Variants in MGLL observed in about 807,000 individuals in gnomAD.
MGLL encodes monoglyceride lipase, also known as lysophospholipase homolog.
A neutral mutation model predicts 29.1 loss-of-function variants in MGLL; 7 were observed. The ratio of observed to expected loss-of-function variants is 0.24; its 90% CI spans 0.14 to 0.45. The LOEUF (loss-of-function observed/expected upper bound fraction) is 0.45. Ranked by LOEUF, MGLL falls within the 20% of genes least tolerant of loss-of-function variation. The pLI is 0.99. For synonymous variants in MGLL, 148 were observed against 168.3 expected (o/e 0.88, Z 0.93); for missense variants, 356 against 413.6 (o/e 0.86, Z 1.21).
intron 3 of MGLL, among the ~76,000 whole-genome samples, chr3:127,779,427 A>C (rs2077087354): frequency 6.6e-6 from 1 of 152,198 alleles, no homozygotes; most frequent in Non-Finnish European, 1.5e-5. Context: ...CAGTCTGCAT[A>C]TATCTCTGTA....
In MGLL at chr3:127,794,355, G is replaced by GA. The variant is rs569040519; in HGVS notation, c.156-12461dup. 1.1e-3 allele frequency among the ~76,000 whole-genome samples: 164 copies of GA among 145,240 alleles called. 2 individuals are homozygous for GA. Among genetic ancestry groups the GA allele is most frequent in the South Asian group, 7.1e-3 (33 of 4,626 alleles). Reference sequence around the variant, plus strand: ...AGCTACTAAGGAGGCTGAGGCAGGAGAAAAAAAAAAACTGTCTTCTATGAA... The same window carrying GA: ...AGCTACTAAGGAGGCTGAGGCAGGAGAAAAAAAAAAAACTGTCTTCTATGAA... On this transcript the variant is annotated intron_variant, in intron 2 of 7. Transcript: ENST00000265052.
chr3:127,786,200 T>C (rs879445892), intron 2 of MGLL, among the ~76,000 whole-genome samples: 1 of 152,162 alleles, frequency 6.6e-6, no homozygotes, highest in Admixed American at 6.5e-5. Context: ...TTGTGAGGAT[T>C]GCAGGGCTGC....
At chr3:127,758,904 CTTTTTT>C (rs753605301) in intron 3 of MGLL, among the ~76,000 whole-genome samples, 3 of 141,412 alleles carry the variant, frequency 2.1e-5, no homozygotes, top group East Asian at 2.1e-4. Flanking sequence ...CTTTCTTTTT[CTTTTTT>C]TTTTCTTTTC....
chr3:127,702,244 G>A (rs1410707272), intron 6 of MGLL, among the ~76,000 whole-genome samples: 2 of 152,250 alleles, frequency 1.3e-5, no homozygotes, highest in Non-Finnish European at 2.9e-5. Flanking sequence ...CTCATGGGGT[G>A]TCACAGCCTC....
At chr3:127,801,548 G>A (rs947881599) in intron 2 of MGLL, among the ~76,000 whole-genome samples, 9 of 151,548 alleles carry the variant, frequency 5.9e-5, no homozygotes, top group East Asian at 1.9e-4. Flanking sequence ...CCCGGGAGGC[G>A]GAGGTTGCAG....
At chr3:127,778,027 C>T (rs1274720934) in intron 3 of MGLL, among the ~76,000 whole-genome samples, 1 of 152,154 alleles carries the variant, frequency 6.6e-6, no homozygotes, top group Non-Finnish European at 1.5e-5. Flanking sequence ...TCTGAGCCCA[C>T]CAATTTACCA....
chr3:127,810,117 G>A (rs1401348425), intron 2 of MGLL, among the ~76,000 whole-genome samples: 1 of 152,138 alleles, frequency 6.6e-6, no homozygotes, highest in Non-Finnish European at 1.5e-5. Context: ...ATTGCCAACT[G>A]AACTGAGTGC....
intron 3 of MGLL, among the ~76,000 whole-genome samples, chr3:127,752,395 G>C (rs762527129): frequency 2.0e-5 from 3 of 152,166 alleles, no homozygotes; most frequent in Non-Finnish European, 4.4e-5. Flanking sequence ...CATCACGCCC[G>C]GCCGTCATTT....
intron 2 of MGLL, among the ~76,000 whole-genome samples, chr3:127,818,031 G>A (rs940627900): frequency 6.6e-5 from 10 of 152,206 alleles, no homozygotes; most frequent in Admixed American, 3.9e-4. Flanking sequence ...TGCGATCTCC[G>A]CTCACTGCAA....
intron 5 of MGLL, among the ~76,000 whole-genome samples, chr3:127,714,528 C>T (rs1576492247): frequency 6.6e-6 from 1 of 152,172 alleles, no homozygotes; most frequent in African/African-American, 2.4e-5. Context: ...GGTGTCCCGG[C>T]GACAATAACT....
chr3:127,736,135 T>A, intron 3 of MGLL: 1 of 1,114,122 alleles, frequency 9.0e-7, no homozygotes, highest in Non-Finnish European at 1.1e-6. Flanking sequence ...CAGTCAAACC[T>A]AATAAAAGTA....
chr3:127,819,316 A>G (rs1239433481), intron 2 of MGLL, among the ~76,000 whole-genome samples: 1 of 152,176 alleles, frequency 6.6e-6, no homozygotes, highest in African/African-American at 2.4e-5. Context: ...GTTGGCCAGA[A>G]AATCTACCCA....
intron 7 of MGLL, among the ~76,000 whole-genome samples, chr3:127,693,594 A>C (rs1271976028): frequency 2.6e-5 from 4 of 152,064 alleles, no homozygotes; most frequent in African/African-American, 9.7e-5. Flanking sequence ...TCTCACCAAC[A>C]GACTGCAGGC....
intron 2 of MGLL, among the ~76,000 whole-genome samples, chr3:127,791,730 A>G (rs766022234): frequency 1.3e-5 from 2 of 152,178 alleles, no homozygotes; most frequent in Non-Finnish European, 2.9e-5. Context: ...CATCGGCTCC[A>G]TTTGTGTTTG....
chr3:127,822,976 A>C (rs1469294287), upstream of MGLL: 1 of 152,304 alleles, frequency 6.6e-6, no homozygotes, highest in Non-Finnish European at 1.5e-5. Flanking sequence ...ACACACACGC[A>C]CACATGGGTA....
intron 3 of MGLL, among the ~76,000 whole-genome samples, chr3:127,744,622 A>G (rs1187777709): frequency 1.3e-5 from 2 of 152,244 alleles, no homozygotes; most frequent in Non-Finnish European, 2.9e-5. Context: ...TTTTGCCACT[A>G]GAAACTTCCA....
intron 3 of MGLL, among the ~76,000 whole-genome samples, chr3:127,759,996 T>G (rs898891682): frequency 6.6e-6 from 1 of 152,234 alleles, no homozygotes; most frequent in Non-Finnish European, 1.5e-5. Context: ...TGACTGTCTT[T>G]GCGGGCAGGC....
chr3:127,740,650 C>T (rs1559936730), intron 3 of MGLL, among the ~76,000 whole-genome samples: 2 of 152,102 alleles, frequency 1.3e-5, no homozygotes, highest in African/African-American at 4.8e-5. Flanking sequence ...GTCTGAGTCA[C>T]GTAAACTTCA....
chr3:127,814,543 A>T (rs542284854), intron 2 of MGLL, among the ~76,000 whole-genome samples: 115 of 152,374 alleles, frequency 7.5e-4, no homozygotes, highest in African/African-American at 1.6e-3. Context: ...TTAAGATCTA[A>T]ACCTAAAAGG....
Sources: allele counts gnomAD v4.1 joint callset (sites outside exome capture counted in the v4.1 genomes callset), GRCh38; gene constraint gnomAD v4.1.1; transcripts MANE v1.5; gene names NCBI Gene and HGNC (gene_info 2026-07-23, HGNC 2026-07-21).